The following PPP2R1B variants were observed in gnomAD, a reference collection of about 807,000 sequenced individuals.
PPP2R1B encodes protein phosphatase 2 scaffold subunit Abeta, also known as serine/threonine-protein phosphatase 2A 65 kDa regulatory subunit A beta isoform.
A neutral mutation model predicts 72.7 loss-of-function variants in PPP2R1B; 58 were observed. The ratio of observed to expected loss-of-function variants is 0.80; its 90% CI spans 0.65 to 0.99. The LOEUF (loss-of-function observed/expected upper bound fraction) is 0.99. Among genes scored for constraint, PPP2R1B ranks in the 50% least tolerant of loss-of-function variants. PPP2R1B has a pLI of 0.00. For missense variants in PPP2R1B, 695 were observed against 733.6 expected (o/e 0.95, Z 0.61); for synonymous variants, 256 against 264.6 (o/e 0.97, Z 0.32).
At chr11:111,715,346 C>G in the PPP2R1B span, among the ~76,000 whole-genome samples, 1 of 152,196 alleles carries the variant, frequency 6.6e-6, no homozygotes, top group African/African-American at 2.4e-5. Flanking sequence ...AGACACAGTT[C>G]CCTTTTTATT....
downstream of PPP2R1B, among the ~76,000 whole-genome samples, chr11:111,723,102 C>T (rs1012080969): frequency 1.3e-5 from 2 of 152,296 alleles, no homozygotes; most frequent in Non-Finnish European, 2.9e-5. Context: ...CATGTGTGCC[C>T]ACAGCCTCGC....
rs782110344 is a variant in PPP2R1B at position 111,748,044 on chromosome 11, C to T, written c.1339-30G>A. 4.4e-6 allele frequency: 7 copies of T among 1,590,836 alleles called. No homozygotes were observed. The East Asian group carries it at 6.7e-5, about 15-fold the overall frequency. The stretch of plus-strand genomic sequence containing the variant: ...AGATACAGAAGATTCCATTAACATA[C>T]ATTGCCAAAATTCAGAAATAAAGAT... On this transcript the variant is annotated intron_variant, in intron 10 of 14. Transcript: ENST00000527614.
chr11:111,719,646 A>G, the PPP2R1B span: 1 of 908,280 alleles, frequency 1.1e-6, no homozygotes. Context: ...GTCATGCATA[A>G]TAAATATGTG....
In PPP2R1B at chr11:111,740,832, G is replaced by A; in HGVS notation, c.*764C>T. 4 of 985,344 alleles carry A rather than the reference G, an allele frequency of 4.1e-6. No individual in the cohort carries two copies. Among genetic ancestry groups the A allele is most frequent in the Non-Finnish European group, 4.8e-6 (4 of 829,868 alleles). The allele number at this position is 985,344 out of a possible 1,614,324, so 61.0% of individuals were successfully genotyped here. A position where few individuals can be genotyped will look rare whatever the true frequency, so the allele number is the denominator to read the frequency against. ...AATCTCACAATGAAACAAACATACT[G>A]CTTATTAGGAGGCACTACAGTTAAA... is the stretch of plus-strand genomic sequence containing the variant. On this transcript the variant is annotated 3_prime_UTR_variant, in exon 15 of 15. Transcript: ENST00000527614.
At chr11:111,752,692 T>A (rs566393887) in intron 9 of PPP2R1B, among the ~76,000 whole-genome samples, 1 of 152,134 alleles carries the variant, frequency 6.6e-6, no homozygotes, top group Admixed American at 6.5e-5. Flanking sequence ...AATGGGATAA[T>A]TGGCCGGGTG....
Position 111,747,842 on chromosome 11 carries a change from T to C in PPP2R1B, c.1399+112A>G, listed in dbSNP as rs1944758698. On this transcript the variant is annotated intron_variant, in intron 11 of 14. Coordinates refer to ENST00000527614, the MANE Select transcript of PPP2R1B (RefSeq NM_002716.5). Reference sequence around the variant, plus strand: ...AAACTTTAATTAGAGCCTTTCTTCATTCCTACAATATTAAGGCAAAATATC... The same window carrying C: ...AAACTTTAATTAGAGCCTTTCTTCACTCCTACAATATTAAGGCAAAATATC... 6 of 916,380 alleles carry C rather than the reference T, an allele frequency of 6.5e-6. No individual in the cohort carries two copies. In the Admixed American group the frequency reaches 1.5e-4, roughly 23 times the overall value. 56.8% of individuals were successfully genotyped at this position (916,380 alleles called of 1,614,324 possible).
At chr11:111,748,092 G>A (rs1944769303) in intron 10 of PPP2R1B, 78 bp from the exon 11 acceptor site, 4 of 1,334,412 alleles carry the variant, frequency 3.0e-6, no homozygotes, top group South Asian at 1.3e-5. Flanking sequence ...TTACACCAAG[G>A]TTACCTGAAG....
chr11:111,721,141 T>TA, the PPP2R1B span: 1 of 1,485,448 alleles, frequency 6.7e-7, no homozygotes, highest in Non-Finnish European at 9.0e-7. Context: ...CATTTTCACT[T>TA]AGAGGATTTC....
At chr11:111,761,091 T>C (rs957882878) in intron 3 of PPP2R1B, 40 bp from the exon 4 acceptor site, 53 of 1,524,876 alleles carry the variant, frequency 3.5e-5, no homozygotes, top group Non-Finnish European at 4.6e-5. Context: ...AGAAAACTTA[T>C]TGAATCAGGT....
At chr11:111,695,912 G>T in the PPP2R1B span, among the ~76,000 whole-genome samples, 1 of 152,186 alleles carries the variant, frequency 6.6e-6, no homozygotes, top group Admixed American at 6.5e-5. Context: ...ATTTAGTGAT[G>T]ACAGTGATAA....
chr11:111,700,637 GTC>G, the PPP2R1B span, among the ~76,000 whole-genome samples: 10 of 152,074 alleles, frequency 6.6e-5, no homozygotes, highest in Non-Finnish European at 1.3e-4. Flanking sequence ...TATTTTTCCA[GTC>G]TCTCACTTAC....
At chr11:111,715,311 AC>A in the PPP2R1B span, among the ~76,000 whole-genome samples, 3 of 152,190 alleles carry the variant, frequency 2.0e-5, no homozygotes, top group African/African-American at 7.2e-5. Context: ...ATAAGTGCAC[AC>A]ACACACACAG....
chr11:111,746,170 T>G (rs1944695905), intron 11 of PPP2R1B, among the ~76,000 whole-genome samples: 1 of 151,970 alleles, frequency 6.6e-6, no homozygotes, highest in Admixed American at 6.6e-5. Context: ...AAACACCATC[T>G]TAATCTAAAA....
chr11:111,742,191 A>G (rs751669218), intron 13 of PPP2R1B, 47 bp from the exon 14 acceptor site: 49 of 1,449,448 alleles, frequency 3.4e-5, no homozygotes, highest in Non-Finnish European at 4.6e-5. Flanking sequence ...AATGGGCCAT[A>G]GAAATCCTTT....
At chr11:111,765,205 A>C in intron 2 of PPP2R1B, 89 bp downstream of exon 2, 1 of 1,294,482 alleles carries the variant, frequency 7.7e-7, no homozygotes, top group Non-Finnish European at 1.1e-6. Flanking sequence ...GCTCATTTTA[A>C]TGTGGGTAAT....
Position 111,742,578 on chromosome 11 carries a change from C to T in PPP2R1B, c.1642G>A (p.Val548Ile). Residue 548 changes from valine (V) to isoleucine (I), a missense_variant, in exon 13 of 15, where the codon GTT (valine) becomes ATT (isoleucine). By Grantham distance (29) the Val-to-Ile change is conservative. Transcript: ENST00000527614. ...LKMAGDQVAN[V>I]RFNVAKSLQK... ...AGAGATTTGGCCACATTGAAGCGAACATTTGCTACTTGGTCTCCTGCCATT... is the reference window on the plus strand; with the variant it reads ...AGAGATTTGGCCACATTGAAGCGAATATTTGCTACTTGGTCTCCTGCCATT... 1.9e-6 allele frequency: 3 copies of T among 1,613,920 alleles called. No individual in the cohort carries two copies. Among genetic ancestry groups the T allele is most frequent in the Non-Finnish European group, 1.7e-6 (2 of 1,179,970 alleles).
chr11:111,741,634 C>G lies in PPP2R1B; in HGVS notation c.1790-22G>C, dbSNP rs1392852090. 4 of 1,612,906 alleles carry G rather than the reference C, an allele frequency of 2.5e-6. No individual in the cohort carries two copies. The African/African-American group carries it at 5.3e-5, about 22-fold the overall frequency. On this transcript the variant is annotated intron_variant, in intron 14 of 14. Transcript: ENST00000527614. ...AGAACTGGAAAATTCCAAACAAAAT[C>G]AGGTTAGTGGTACAGAAAGTTCACG...
At chr11:111,707,051 G>A in the PPP2R1B span, among the ~76,000 whole-genome samples, 5 of 151,926 alleles carry the variant, frequency 3.3e-5, no homozygotes, top group African/African-American at 1.2e-4. Flanking sequence ...GTATCTTTGA[G>A]CACTTGGAAA....
the PPP2R1B span, among the ~76,000 whole-genome samples, chr11:111,709,905 G>A: frequency 1.3e-5 from 2 of 152,236 alleles, no homozygotes; most frequent in African/African-American, 4.8e-5. Flanking sequence ...GCACAGCACC[G>A]TCTGGCCATT....
Sources: allele counts gnomAD v4.1 joint callset (sites outside exome capture counted in the v4.1 genomes callset), GRCh38; gene constraint gnomAD v4.1.1; transcripts MANE v1.5; gene names NCBI Gene and HGNC (gene_info 2026-07-23, HGNC 2026-07-21).